The following RHEX variants were observed in gnomAD, a reference collection of about 807,000 sequenced individuals.
RHEX encodes the protein regulator of hemoglobinization and erythroid cell expansion.
Under a neutral mutation model 20.1 loss-of-function variants are expected in RHEX, and 18 were observed. The ratio of observed to expected loss-of-function variants is 0.90; its 90% CI spans 0.62 to 1.33. RHEX has a LOEUF of 1.33. Ranked by LOEUF, RHEX falls within the 40% of genes most tolerant of loss-of-function variation. The pLI, the probability that RHEX is intolerant of heterozygous loss-of-function variation, is 0.00. For synonymous variants in RHEX, 87 were observed against 77.1 expected (o/e 1.13, Z -0.67); for missense variants, 192 against 214.3 (o/e 0.90, Z 0.65).
At chr1:206,057,874 A>C (rs1017850102) in intron 1 of RHEX, among the ~76,000 whole-genome samples, 3 of 152,410 alleles carry the variant, frequency 2.0e-5, no homozygotes, top group Admixed American at 1.3e-4. Context: ...CAACCGAATC[A>C]TATGGTTACA....
At chr1:206,100,526 C>T (rs1663166764) in intron 4 of RHEX, among the ~76,000 whole-genome samples, 1 of 152,198 alleles carries the variant, frequency 6.6e-6, no homozygotes, top group Non-Finnish European at 1.5e-5. Flanking sequence ...TGCTCATATG[C>T]ATGTTTCAAC....
chr1:206,056,124 C>T (rs924220972), intron 1 of RHEX, among the ~76,000 whole-genome samples: 14 of 152,254 alleles, frequency 9.2e-5, no homozygotes, highest in African/African-American at 2.9e-4. Context: ...CGCCACCTTC[C>T]TCCCGGTGTC....
intron 1 of RHEX, among the ~76,000 whole-genome samples, chr1:206,090,735 T>C (rs1159145055): frequency 1.3e-5 from 2 of 152,030 alleles, no homozygotes; most frequent in African/African-American, 4.8e-5. Context: ...AAATTTTTAT[T>C]ATTTTCTTCA....
At chr1:206,093,832 C>T (rs1326206766) in intron 1 of RHEX, among the ~76,000 whole-genome samples, 5 of 152,052 alleles carry the variant, frequency 3.3e-5, no homozygotes, top group African/African-American at 1.2e-4. Flanking sequence ...AGCACTGGGA[C>T]GAAGTAGGGT....
intron 1 of RHEX, among the ~76,000 whole-genome samples, chr1:206,057,269 C>T (rs182227584): frequency 6.6e-6 from 1 of 152,368 alleles, no homozygotes; most frequent in Non-Finnish European, 1.5e-5. Flanking sequence ...AGATCAATGG[C>T]CATGGGAAGC....
intron 1 of RHEX, among the ~76,000 whole-genome samples, chr1:206,092,326 T>C (rs1662973149): frequency 6.6e-6 from 1 of 152,238 alleles, no homozygotes; most frequent in African/African-American, 2.4e-5. Flanking sequence ...TCTAATTTCA[T>C]CCTCAGAAGT....
At chr1:206,064,161 GC>G (rs1558169703) in intron 1 of RHEX, among the ~76,000 whole-genome samples, 1 of 141,024 alleles carries the variant, frequency 7.1e-6, no homozygotes, top group African/African-American at 2.8e-5. Context: ...CCCGGCAGCC[GC>G]CCCGTCTGAG....
At chr1:206,063,662 G>A (rs7700527) in intron 1 of RHEX, among the ~76,000 whole-genome samples, 4 of 152,268 alleles carry the variant, frequency 2.6e-5, no homozygotes, top group Admixed American at 1.3e-4. Flanking sequence ...CCGAGGTGCC[G>A]GGATTGCAGA....
intron 3 of RHEX, among the ~76,000 whole-genome samples, chr1:206,099,068 A>G (rs1553288072): frequency 6.6e-6 from 1 of 152,224 alleles, no homozygotes; most frequent in African/African-American, 2.4e-5. Context: ...TGTTAGGCAC[A>G]TGCTAGCAAG....
At chr1:206,089,628 C>T (rs1198024926) in intron 1 of RHEX, among the ~76,000 whole-genome samples, 2 of 151,956 alleles carry the variant, frequency 1.3e-5, no homozygotes, top group Admixed American at 1.3e-4. Flanking sequence ...GTGCTCTACA[C>T]TCTTTACCCA....
chr1:206,076,610 C>T (rs545004177), intron 1 of RHEX, among the ~76,000 whole-genome samples: 1 of 152,318 alleles, frequency 6.6e-6, no homozygotes, highest in East Asian at 1.9e-4. Context: ...AAATTCTCAT[C>T]AAAAATGTTT....
Position 206,092,355 on chromosome 1 carries a change from T to C in RHEX, c.-96-5378T>C, listed in dbSNP as rs572933206. 1.6e-3 allele frequency among the ~76,000 whole-genome samples: 245 copies of C among 152,334 alleles called. 1 individual carries two copies. Among genetic ancestry groups the C allele is most frequent in the Admixed American group, 2.9e-3 (44 of 15,290 alleles). ...CAGAAGTAGTTATCATTTATATTTG[T>C]CTTATCTAGTCCCGAAATTAGTTAC... On this transcript the variant is annotated intron_variant, in intron 1 of 5. Coordinates refer to ENST00000331555, the MANE Select transcript of RHEX (RefSeq NM_001007544.4).
chr1:206,072,480 G>A (rs1553284761), intron 1 of RHEX, among the ~76,000 whole-genome samples: 2 of 152,124 alleles, frequency 1.3e-5, no homozygotes, highest in African/African-American at 4.8e-5. Context: ...GGAGGCTGAG[G>A]CAGGAGAATA....
At chr1:206,070,180 T>C (rs77440483) in intron 1 of RHEX, among the ~76,000 whole-genome samples, 3,470 of 152,170 alleles carry the variant, frequency 0.023, 127 homozygotes, top group African/African-American at 0.079. Flanking sequence ...GTCTTGAGCA[T>C]TGAGAGAAAT....
intron 1 of RHEX, among the ~76,000 whole-genome samples, chr1:206,096,588 G>A (rs571342857): frequency 3.9e-5 from 6 of 152,326 alleles, no homozygotes; most frequent in African/African-American, 1.4e-4. Context: ...TCTTAGGGGG[G>A]CTTATCCAAA....
At chr1:206,069,610 G>T (rs1207426525) in intron 1 of RHEX, among the ~76,000 whole-genome samples, 1 of 152,200 alleles carries the variant, frequency 6.6e-6, no homozygotes. Flanking sequence ...GGCCTGGGCT[G>T]CTGGTCACCC....
Position 206,054,459 on chromosome 1 carries a change from C to T in RHEX, c.-97+1194C>T, listed in dbSNP as rs577110992. On this transcript the variant is annotated intron_variant, in intron 1 of 5. Transcript: ENST00000331555. ...GCATAAGAATGTGGATTTTTACCTA[C>T]ATTAAAAGGTTAAAAACAATTATTG... Among the ~76,000 whole-genome samples the T allele has an allele frequency of 3.4e-4, 51 of 151,016 alleles. No homozygotes were observed. The South Asian group carries it at 0.01, about 31-fold the overall frequency.
In RHEX at chr1:206,101,760, G is replaced by A; in HGVS notation, c.327G>A (p.Glu109=). Reference sequence around the variant, plus strand: ...TCTGCTTTTCTCCTAAGGCCACAGAGGATGTGGATTACACACAAGTCGTCT... The same window carrying A: ...TCTGCTTTTCTCCTAAGGCCACAGAAGATGTGGATTACACACAAGTCGTCT... ...CSSPPACQAT[E]DVDYTQVVFS... Residue 109 remains glutamate, a synonymous_variant, in exon 6 of 6, where the codon GAG becomes GAA. Coordinates refer to ENST00000331555, the MANE Select transcript of RHEX (RefSeq NM_001007544.4). 1.2e-6 allele frequency: 2 copies of A among 1,612,544 alleles called. No homozygotes were observed. The highest frequency in any genetic ancestry group is 1.7e-6 in the Non-Finnish European group (2 of 1,179,158).
intron 4 of RHEX, among the ~76,000 whole-genome samples, chr1:206,100,909 C>T (rs1381503534): frequency 1.3e-5 from 2 of 152,058 alleles, no homozygotes; most frequent in Non-Finnish European, 2.9e-5. Context: ...TGGACATGTC[C>T]CTGCCTATTT....
Sources: gnomAD v4.1 joint callset for allele counts (sites outside exome capture counted in the v4.1 genomes callset) on GRCh38, gnomAD v4.1.1 for gene constraint, MANE v1.5 for transcripts, NCBI Gene and HGNC (gene_info 2026-07-23, HGNC 2026-07-21) for gene names.